The following DNAI4 variants were observed in gnomAD, a reference collection of about 807,000 sequenced individuals.
DNAI4 encodes WD repeat domain 78.
In DNAI4, 85 loss-of-function variants were observed where a neutral mutation model predicts 105.8. That is an observed-to-expected ratio of 0.80 (90% CI 0.67 to 0.96). DNAI4 has a LOEUF of 0.96. Ranked by LOEUF, DNAI4 falls within the 40% of genes least tolerant of loss-of-function variation. The pLI is 0.00. For synonymous variants in DNAI4, 352 were observed against 331.5 expected (o/e 1.06, Z -0.67); for missense variants, 1,014 against 1,005.6 (o/e 1.01, Z -0.11).
rs114632023 is a variant in DNAI4 at position 66,872,802 on chromosome 1, C to G, written c.801-1293G>C. On this transcript the variant is annotated intron_variant, in intron 5 of 16. Transcript: ENST00000371026. ...TGATCTCCACTCACTGCAACCTTCC[C>G]CTCCTGGAGAAGCAATTCTCGTGCC... is the stretch of plus-strand genomic sequence containing the variant. Among the ~76,000 whole-genome samples the G allele has an allele frequency of 7.1e-3, 1,077 of 152,078 alleles. 6 individuals are homozygous for G. The highest frequency in any genetic ancestry group is 0.024 in the African/African-American group (1,015 of 41,482).
chr1:66,913,854 C>G (rs1649851655), intron 1 of DNAI4, among the ~76,000 whole-genome samples: 1 of 151,956 alleles, frequency 6.6e-6, no homozygotes, highest in African/African-American at 2.4e-5. Context: ...TGGTGGCGGG[C>G]ACCTGTAGTC....
At chr1:66,901,839 T>C (rs1308270704) in intron 2 of DNAI4, among the ~76,000 whole-genome samples, 1 of 152,234 alleles carries the variant, frequency 6.6e-6, no homozygotes, top group Non-Finnish European at 1.5e-5. Flanking sequence ...TAGGCTAGAG[T>C]GCAGTGGCAC....
chr1:66,877,107 A>G (rs1646974319), intron 4 of DNAI4, among the ~76,000 whole-genome samples: 1 of 152,182 alleles, frequency 6.6e-6, no homozygotes, highest in Non-Finnish European at 1.5e-5. Context: ...TTGTTTGGCT[A>G]TTCTCAGAGA....
chr1:66,838,382 C>T (rs1646075542), intron 9 of DNAI4, among the ~76,000 whole-genome samples: 3 of 152,132 alleles, frequency 2.0e-5, no homozygotes, highest in Admixed American at 1.3e-4. Flanking sequence ...AGTGAAAAGG[C>T]AGCCACTGCA....
At chr1:66,834,338 C>T (rs1645936274) in intron 11 of DNAI4, among the ~76,000 whole-genome samples, 190 bp from the exon 12 acceptor site, 1 of 151,878 alleles carries the variant, frequency 6.6e-6, no homozygotes, top group Non-Finnish European at 1.5e-5. Context: ...CTACTTAATA[C>T]TCACTGTTAT....
chr1:66,868,542 T>C (rs934654049), intron 6 of DNAI4, among the ~76,000 whole-genome samples: 2 of 152,148 alleles, frequency 1.3e-5, no homozygotes, highest in African/African-American at 4.8e-5. Flanking sequence ...TTGAATTCAC[T>C]CTCTGCCTGA....
At chr1:66,839,256 AC>A (rs1280737113) in intron 9 of DNAI4, among the ~76,000 whole-genome samples, 3 of 151,900 alleles carry the variant, frequency 2.0e-5, no homozygotes, top group Non-Finnish European at 4.4e-5. Flanking sequence ...ACAAAACAAG[AC>A]CCCCATCTCC....
At chr1:66,895,130 T>C (rs1648202383) in intron 2 of DNAI4, among the ~76,000 whole-genome samples, 1 of 152,232 alleles carries the variant, frequency 6.6e-6, no homozygotes, top group Admixed American at 6.5e-5. Flanking sequence ...TGTTATATTT[T>C]TCCACAAGTG....
intron 1 of DNAI4, 43 bp downstream of exon 1, chr1:66,924,619 G>C: frequency 1.2e-6 from 2 of 1,614,046 alleles, no homozygotes; most frequent in Non-Finnish European, 1.7e-6. Context: ...GCTCCCTCCG[G>C]GTCCCAGGGG....
At chr1:66,844,101 A>AAAAC (rs1553215040) in intron 8 of DNAI4, among the ~76,000 whole-genome samples, 4 of 149,236 alleles carry the variant, frequency 2.7e-5, no homozygotes, top group African/African-American at 7.3e-5. Flanking sequence ...AAAAAAAAAA[A>AAAAC]AAAAAACTTT....
Position 66,814,036 on chromosome 1 carries a change from G to A in DNAI4, c.*94C>T. On this transcript the variant is annotated 3_prime_UTR_variant, in exon 17 of 17. Transcript: ENST00000371026. ...AGTTATACATCAAATATTGTTTTCT[G>A]AAATCAAAATCTGGTGTACAGTATG... 1.2e-6 allele frequency: 1 copy of A among 855,996 alleles called. No homozygotes were observed. Among genetic ancestry groups the A allele is most frequent in the Non-Finnish European group, 1.7e-6 (1 of 597,018 alleles). 53.0% of individuals were successfully genotyped at this position (855,996 alleles called of 1,614,324 possible). A position where few individuals can be genotyped will look rare whatever the true frequency, so the allele number is the denominator to read the frequency against.
intron 7 of DNAI4, among the ~76,000 whole-genome samples, chr1:66,852,439 T>C (rs1402578542): frequency 4.0e-5 from 6 of 151,826 alleles, no homozygotes; most frequent in African/African-American, 1.5e-4. Flanking sequence ...AATCAATATC[T>C]CTCATCAACA....
rs1646642743 is a variant in DNAI4 at position 66,862,257 on chromosome 1, A to T, written c.986T>A (p.Met329Lys). 1 of 1,611,046 alleles carries T rather than the reference A, an allele frequency of 6.2e-7. No individual in the cohort carries two copies. The highest frequency in any genetic ancestry group is 8.5e-7 in the Non-Finnish European group (1 of 1,179,008). The change falls in exon 7 of 17, where the codon ATG becomes AAG. Residue 329 changes from methionine (M) to lysine (K), a missense_variant. Physicochemically the swap from Met to Lys is moderately conservative, Grantham distance 95. Transcript: ENST00000371026. ...AWDLYDSYNA[M>K]ELVSLSVKQS... Reference sequence around the variant, plus strand: ...TTTTACTGATAAAGATACAAGTTCCATAGCATTGTAAGAATCATACAAATC... The same window carrying T: ...TTTTACTGATAAAGATACAAGTTCCTTAGCATTGTAAGAATCATACAAATC...
At chr1:66,871,268 T>C (rs1646839722) in intron 6 of DNAI4, 102 bp downstream of exon 6, 1 of 1,130,218 alleles carries the variant, frequency 8.8e-7, no homozygotes, top group East Asian at 2.6e-5. Context: ...CAAATTATTT[T>C]TATTTTTGCT....
At chr1:66,824,176 C>T (rs1461273393) in intron 15 of DNAI4, among the ~76,000 whole-genome samples, 2 of 133,944 alleles carry the variant, frequency 1.5e-5, no homozygotes, top group African/African-American at 5.7e-5. Context: ...AATCCTTTCC[C>T]CATTGCTTGT....
intron 10 of DNAI4, among the ~76,000 whole-genome samples, chr1:66,836,211 AGAG>A (rs1557908341): frequency 1.1e-3 from 76 of 67,912 alleles, no homozygotes; most frequent in Non-Finnish European, 1.7e-3. Context: ...AAAGAAAGAG[AGAG>A]AGAGAGAGAG....
chr1:66,816,568 G>T (rs148022397), intron 16 of DNAI4, among the ~76,000 whole-genome samples: 6 of 152,084 alleles, frequency 3.9e-5, no homozygotes, highest in South Asian at 2.1e-4. Flanking sequence ...CTAATTAATG[G>T]TTTTTTGTTG....
chr1:66,884,646 C>T lies in DNAI4; in HGVS notation c.643+6508G>A, dbSNP rs112506297. 8.8e-3 allele frequency among the ~76,000 whole-genome samples: 1,337 copies of T among 152,298 alleles called. 17 individuals are homozygous for T. Among genetic ancestry groups the T allele is most frequent in the African/African-American group, 0.03 (1,247 of 41,558 alleles). ...GCTAATATTCTGTTGAGGATTTTTG[C>T]ATCCATGTTCATCAAGGATATTGGC... On this transcript the variant is annotated intron_variant, in intron 4 of 16. Coordinates refer to ENST00000371026, the MANE Select transcript of DNAI4 (RefSeq NM_024763.5).
rs1646841915 is a variant in DNAI4, at chr1:66,871,370, C to T, written c.940G>A (p.Gly314Ser). 2 of 1,602,668 alleles carry T rather than the reference C, an allele frequency of 1.2e-6. No individual in the cohort carries two copies. The highest frequency in any genetic ancestry group is 1.7e-6 in the Non-Finnish European group (2 of 1,175,068). The change falls in exon 6 of 17, where the codon GGC becomes AGC. Residue 314 changes from glycine (G) to serine (S), a missense_variant and splice_region_variant. Gly to Ser is a moderately conservative substitution (Grantham distance 56, BLOSUM62 0). Coordinates refer to ENST00000371026, the MANE Select transcript of DNAI4 (RefSeq NM_024763.5). ...QCDKIIMEDK[G>S]IMSTAWDLYD... ...TATCAAGCAGAATGATAGAAATTAC[C>T]TTTATCTTCCATTATGATTTTATCA...
Sources: allele counts gnomAD v4.1 joint callset (sites outside exome capture counted in the v4.1 genomes callset), GRCh38; gene constraint gnomAD v4.1.1; transcripts MANE v1.5; gene names NCBI Gene and HGNC (gene_info 2026-07-23, HGNC 2026-07-21).